HEATR3: variants seen among roughly 807,000 people sequenced by gnomAD.
The protein encoded by HEATR3 is HEAT repeat-containing protein 3.
A neutral mutation model predicts 72.8 loss-of-function variants in HEATR3; 56 were observed. That is an observed-to-expected ratio of 0.77 (90% CI 0.62 to 0.96). HEATR3 has a LOEUF of 0.96. HEATR3 is among the 40% of genes least tolerant of loss of function. The pLI is 0.00. For synonymous variants in HEATR3, 331 were observed against 318.1 expected, an observed-to-expected ratio of 1.04 and a Z score of -0.43; for missense variants, 747 against 831.4, an observed-to-expected ratio of 0.90 and a Z score of 1.25.
chr16:50,100,474 G>A, intron 13 of HEATR3, 101 bp downstream of exon 13: 2 of 1,187,664 alleles, frequency 1.7e-6, no homozygotes, highest in South Asian at 2.6e-5. Flanking sequence ...TTGAAGAGAA[G>A]AAGTCATATC....
Position 50,078,915 on chromosome 16 carries a change from T to A in HEATR3, c.938T>A (p.Leu313Ter), listed in dbSNP as rs777540181. 6.2e-7 allele frequency: 1 copy of A among 1,614,102 alleles called. No individual in the cohort carries two copies. The change falls in exon 7 of 15, where the codon TTA becomes TAA. Residue 313 changes from leucine to a stop codon, truncating the protein, a stop_gained. Transcript: ENST00000299192. LOFTEE classifies it high-confidence loss of function. ...LKTAAEAEEI[L>*]ENTNGDDLIE... ...ACTGCTGCAGAGGCTGAGGAAATAT[T>A]AGAGAACACTAATGGGGATGATTTG...
intron 12 of HEATR3, among the ~76,000 whole-genome samples, chr16:50,099,060 C>T (rs1035964827): frequency 6.6e-6 from 1 of 151,900 alleles, no homozygotes; most frequent in East Asian, 1.9e-4. Context: ...GTCTTAAACT[C>T]CTGCTCTCGA....
intron 12 of HEATR3, among the ~76,000 whole-genome samples, chr16:50,096,657 G>A (rs2037245500): frequency 6.6e-6 from 1 of 152,104 alleles, no homozygotes; most frequent in South Asian, 2.1e-4. Flanking sequence ...AAATCAGCCG[G>A]GCATGGTGGC....
In HEATR3 at chr16:50,069,744, G is replaced by C. The variant is rs2036570246; in HGVS notation, c.400-434G>C. ...AAGAGCACCAGCTTTGGAGTCAAATGCTAGGGCCTGAATCCCAGCTTCACC... is the reference window on the plus strand; with the variant it reads ...AAGAGCACCAGCTTTGGAGTCAAATCCTAGGGCCTGAATCCCAGCTTCACC... On this transcript the variant is annotated intron_variant, in intron 3 of 14. Coordinates refer to ENST00000299192, the MANE Select transcript of HEATR3 (RefSeq NM_182922.4). Among the ~76,000 whole-genome samples the C allele has an allele frequency of 2.0e-5, 3 of 152,196 alleles. No homozygotes were observed. The South Asian group carries it at 6.2e-4, about 31-fold the overall frequency.
Position 50,068,835 on chromosome 16 carries a change from A to G in HEATR3, c.367A>G (p.Ile123Val), listed in dbSNP as rs568731456. 29 of 1,614,054 alleles carry G rather than the reference A, an allele frequency of 1.8e-5. No individual in the cohort carries two copies. The highest frequency in any genetic ancestry group is 3.3e-5 in the Admixed American group (2 of 60,016). The change falls in exon 3 of 15, where the codon ATC (isoleucine) becomes GTC (valine). Residue 123 changes from isoleucine to valine, a missense_variant. This residue lies in a region of HEATR3 where 586 missense variants were observed against 708.8 expected (regional missense o/e 0.83). Coordinates refer to ENST00000299192, the MANE Select transcript of HEATR3 (RefSeq NM_182922.4). ...EVCDDMVTKD[I>V]MTPLVALLKE... Reference sequence around the variant, plus strand: ...TTGTGATGACATGGTGACTAAGGATATCATGACCCCTCTGGTTGCGCTGCT... The same window carrying G: ...TTGTGATGACATGGTGACTAAGGATGTCATGACCCCTCTGGTTGCGCTGCT...
intron 3 of HEATR3, among the ~76,000 whole-genome samples, chr16:50,069,846 T>C (rs781404577): frequency 4.6e-5 from 7 of 152,182 alleles, no homozygotes; most frequent in Middle Eastern, 3.2e-3. Flanking sequence ...GGGATAATAA[T>C]AGTTCACCTA....
chr16:50,089,242 G>A (rs1330529953), intron 11 of HEATR3, among the ~76,000 whole-genome samples: 2 of 151,936 alleles, frequency 1.3e-5, no homozygotes, highest in South Asian at 4.1e-4. Context: ...GTTCAGGAAT[G>A]TGACATGCTG....
At chr16:50,084,887 A>G (rs2036954402) in intron 10 of HEATR3, among the ~76,000 whole-genome samples, 1 of 152,204 alleles carries the variant, frequency 6.6e-6, no homozygotes, top group East Asian at 1.9e-4. Context: ...CAGAGTTAGA[A>G]TGGTAAATAA....
In HEATR3 at chr16:50,069,384, T is replaced by G. The variant is rs1330196268; in HGVS notation, c.399+517T>G. The G allele has an allele frequency of 2.6e-5, 4 of 154,860 alleles. No homozygotes were observed. In the East Asian group the frequency reaches 7.6e-4, roughly 30 times the overall value. 9.6% of individuals were successfully genotyped at this position (154,860 alleles called of 1,614,324 possible). A position where few individuals can be genotyped will look rare whatever the true frequency, so the allele number is the denominator to read the frequency against. ...CTCTGGAGTGCCTCTGGTCCTCTATTCTGTACTGATGGGTAATTTTCACTT... is the reference window on the plus strand; with the variant it reads ...CTCTGGAGTGCCTCTGGTCCTCTATGCTGTACTGATGGGTAATTTTCACTT... On this transcript the variant is annotated intron_variant, in intron 3 of 14. Coordinates refer to ENST00000299192, the MANE Select transcript of HEATR3 (RefSeq NM_182922.4).
At chr16:50,079,165 C>A (rs922676197) in intron 7 of HEATR3, 147 bp downstream of exon 7, 3 of 740,940 alleles carry the variant, frequency 4.0e-6, no homozygotes, top group African/African-American at 3.6e-5. Flanking sequence ...CCTGTTGATT[C>A]TCTTTATGTC....
At chr16:50,095,597 C>A (rs900904807) in intron 12 of HEATR3, among the ~76,000 whole-genome samples, 9 of 151,880 alleles carry the variant, frequency 5.9e-5, no homozygotes, top group Non-Finnish European at 1.0e-4. Context: ...GAGACGGGGT[C>A]TTACTGTGTT....
chr16:50,079,834 A>G (rs2036826936), intron 7 of HEATR3, among the ~76,000 whole-genome samples: 1 of 152,204 alleles, frequency 6.6e-6, no homozygotes, highest in African/African-American at 2.4e-5. Context: ...GGGAAGACAG[A>G]CACATAAAAC....
chr16:50,086,746 A>G (rs900239320), intron 11 of HEATR3, among the ~76,000 whole-genome samples: 1 of 152,104 alleles, frequency 6.6e-6, no homozygotes, highest in Non-Finnish European at 1.5e-5. Context: ...CCTGGCCAAC[A>G]TGATGAAACC....
chr16:50,102,836 C>G (rs903175969), intron 14 of HEATR3, among the ~76,000 whole-genome samples: 2 of 152,144 alleles, frequency 1.3e-5, no homozygotes, highest in African/African-American at 4.8e-5. Context: ...GATCTTGGCT[C>G]ACTGCGACCT....
At chr16:50,091,981 A>G (rs1190139614) in intron 11 of HEATR3, among the ~76,000 whole-genome samples, 1 of 152,084 alleles carries the variant, frequency 6.6e-6, no homozygotes, top group Non-Finnish European at 1.5e-5. Flanking sequence ...TTATAGGGCT[A>G]TACCTAGAGC....
chr16:50,078,835 G>A lies in HEATR3; in HGVS notation c.858G>A (p.Met286Ile). The change falls in exon 7 of 15, where the codon ATG (methionine) becomes ATA (isoleucine). Residue 286 changes from methionine (M) to isoleucine (I), a missense_variant. Physicochemically the swap from Met to Ile is conservative, Grantham distance 10 (BLOSUM62 1). Coordinates refer to ENST00000299192, the MANE Select transcript of HEATR3 (RefSeq NM_182922.4). ...AGATCTTATCTGAAGTTTTGGGAAT[G>A]GATGCTGGTGAAATGGTTATTCAAA... ...LLKILSEVLG[M>I]DAGEMVIQMK... The A allele has an allele frequency of 6.2e-7, 1 of 1,614,124 alleles. No homozygotes were observed. Among genetic ancestry groups the A allele is most frequent in the Non-Finnish European group, 8.5e-7 (1 of 1,180,020 alleles).
intron 2 of HEATR3, among the ~76,000 whole-genome samples, chr16:50,067,864 G>A (rs1162980347): frequency 6.6e-6 from 1 of 152,190 alleles, no homozygotes; most frequent in East Asian, 1.9e-4. Flanking sequence ...CTCTCCTTAA[G>A]AAATCTTAAA....
At chr16:50,081,504 C>T (rs1449930338) in intron 7 of HEATR3, among the ~76,000 whole-genome samples, 3 of 150,626 alleles carry the variant, frequency 2.0e-5, no homozygotes, top group Non-Finnish European at 4.4e-5. Context: ...TAGTGGTGGG[C>T]GGTGGTGGGG....
At chr16:50,099,441 CA>C (rs1360719390) in intron 12 of HEATR3, among the ~76,000 whole-genome samples, 3 of 152,134 alleles carry the variant, frequency 2.0e-5, no homozygotes, top group Non-Finnish European at 4.4e-5. Flanking sequence ...TTCATGTCTA[CA>C]AAAAATAAAA....
Sources: gnomAD v4.1 joint callset for allele counts (sites outside exome capture counted in the v4.1 genomes callset) on GRCh38, gnomAD v4.1.1 for gene constraint, gnomAD v4.1.1 regional missense constraint, MANE v1.5 for transcripts, NCBI Gene and HGNC (gene_info 2026-07-23, HGNC 2026-07-21) for gene names.